LAMA2: variants seen among roughly 807,000 people sequenced by gnomAD.
LAMA2 encodes laminin subunit alpha 2.
Under a neutral mutation model 364.8 loss-of-function variants are expected in LAMA2, and 269 were observed. That is an observed-to-expected ratio of 0.74 (90% CI 0.67 to 0.82). LAMA2 has a LOEUF of 0.82. LAMA2 is among the 40% of genes least tolerant of loss of function. The pLI is 0.00. For missense variants in LAMA2, 3,807 were observed against 3,873.2 expected (o/e 0.98, Z 0.45); for synonymous variants, 1,379 against 1,370.6 (o/e 1.01, Z -0.14).
At chr6:129,199,497 A>AC (rs1455170915) in intron 12 of LAMA2, among the ~76,000 whole-genome samples, 1 of 152,198 alleles carries the variant, frequency 6.6e-6, no homozygotes, top group Non-Finnish European at 1.5e-5. Flanking sequence ...TGGACAGTGC[A>AC]GTAGATAGGA....
intron 1 of LAMA2, among the ~76,000 whole-genome samples, chr6:128,913,797 A>G (rs75278307): frequency 0.015 from 2,289 of 152,272 alleles, 59 homozygotes; most frequent in African/African-American, 0.053. Flanking sequence ...GGAGAATCTA[A>G]ATTAAATGAG....
At chr6:129,444,772 C>T (rs1453735928) in intron 44 of LAMA2, among the ~76,000 whole-genome samples, 6 of 152,166 alleles carry the variant, frequency 3.9e-5, no homozygotes, top group Admixed American at 3.9e-4. Context: ...AGCCTTGAAC[C>T]TTAAGCAGTT....
intron 1 of LAMA2, among the ~76,000 whole-genome samples, chr6:128,887,164 A>G (rs978940664): frequency 5.3e-5 from 8 of 152,192 alleles, no homozygotes; most frequent in African/African-American, 1.9e-4. Flanking sequence ...TTTCCACATC[A>G]TCGTCAATTG....
At chr6:129,499,438 C>T (rs965207613) in intron 58 of LAMA2, among the ~76,000 whole-genome samples, 5 of 152,220 alleles carry the variant, frequency 3.3e-5, no homozygotes, top group African/African-American at 1.2e-4. Flanking sequence ...TTAAAATTAC[C>T]TCATTAGATC....
chr6:128,961,171 C>G (rs530257588), intron 1 of LAMA2, among the ~76,000 whole-genome samples: 1 of 151,034 alleles, frequency 6.6e-6, no homozygotes, highest in South Asian at 2.1e-4. Flanking sequence ...TAATCACACT[C>G]TACAATATGT....
intron 1 of LAMA2, among the ~76,000 whole-genome samples, chr6:129,006,561 A>G (rs1784450054): frequency 6.6e-6 from 1 of 152,124 alleles, no homozygotes; most frequent in Non-Finnish European, 1.5e-5. Flanking sequence ...CAACTCCTGC[A>G]GGTGCTGCCT....
intron 1 of LAMA2, among the ~76,000 whole-genome samples, chr6:128,973,283 AT>A (rs1782308978): frequency 6.6e-6 from 1 of 152,118 alleles, no homozygotes; most frequent in African/African-American, 2.4e-5. Flanking sequence ...TTACTGTGCA[AT>A]TTTCCTACCT....
chr6:129,367,692 A>G (rs960967633), intron 33 of LAMA2, among the ~76,000 whole-genome samples: 4 of 152,180 alleles, frequency 2.6e-5, no homozygotes, highest in Non-Finnish European at 5.9e-5. Flanking sequence ...TATTATCCCT[A>G]TTTTCCAGAA....
chr6:129,488,253 T>C (rs905672128), intron 56 of LAMA2, among the ~76,000 whole-genome samples: 4 of 152,084 alleles, frequency 2.6e-5, no homozygotes, highest in Admixed American at 6.5e-5. Flanking sequence ...GAGGTTTCAG[T>C]GAGCCGAGAT....
intron 2 of LAMA2, among the ~76,000 whole-genome samples, chr6:129,056,118 T>C (rs1788467302): frequency 6.6e-6 from 1 of 152,216 alleles, no homozygotes; most frequent in Non-Finnish European, 1.5e-5. Flanking sequence ...TGTATGTGTG[T>C]GTTTTTCTAT....
rs201172088 is a variant in LAMA2, at chr6:129,401,239, G to A, written c.5461G>A (p.Val1821Ile). ...TGGTCTACAGAAAAAGAAGGAGGCTGTTGAAAGCGGCAAACGACAAATTGA... is the reference window on the plus strand; with the variant it reads ...TGGTCTACAGAAAAAGAAGGAGGCTATTGAAAGCGGCAAACGACAAATTGA... ...MTALEKKKEAVESGKRQIENT... is the reference protein window; with the variant it reads ...MTALEKKKEAIESGKRQIENT... Residue 1821 changes from valine to isoleucine, a missense_variant, in exon 38 of 65, where the codon GTT (valine) becomes ATT (isoleucine). Transcript: ENST00000421865. The A allele has an allele frequency of 3.1e-6, 5 of 1,601,580 alleles. No individual in the cohort carries two copies. The East Asian group carries it at 1.1e-4, about 36-fold the overall frequency.
In LAMA2 at chr6:129,319,372, TG is replaced by T. The variant is rs546378131; in HGVS notation, c.4059-1160del. On this transcript the variant is annotated intron_variant, in intron 27 of 64. Coordinates refer to ENST00000421865, the MANE Select transcript of LAMA2 (RefSeq NM_000426.4). ...CTGAAGCCACTCACATTTTAAAAAG[TG>T]GGGGGAATATCTTTATAATAACTTT... is the stretch of plus-strand genomic sequence containing the variant. Among the ~76,000 whole-genome samples the T allele has an allele frequency of 3.2e-3, 490 of 152,214 alleles. 2 individuals carry two copies. Among genetic ancestry groups the T allele is most frequent in the African/African-American group, 0.011 (446 of 41,550 alleles).
chr6:129,322,603 A>G (rs1189384651), intron 28 of LAMA2, among the ~76,000 whole-genome samples: 1 of 152,192 alleles, frequency 6.6e-6, no homozygotes, highest in Non-Finnish European at 1.5e-5. Context: ...AAATTCTCTG[A>G]TTCTGCAATA....
At chr6:129,187,899 A>G (rs1376581102) in intron 10 of LAMA2, among the ~76,000 whole-genome samples, 2 of 151,842 alleles carry the variant, frequency 1.3e-5, no homozygotes, top group African/African-American at 2.4e-5. Flanking sequence ...AAAAATAAAT[A>G]ATGAATAAAC....
chr6:129,212,474 A>G (rs1478806), intron 12 of LAMA2, among the ~76,000 whole-genome samples: 16,736 of 152,130 alleles, frequency 0.11, 1,121 homozygotes, highest in East Asian at 0.32. Flanking sequence ...TTGAGAGTCC[A>G]TGGAATGGAA....
At chr6:129,048,632 C>G (rs1787771583) in intron 1 of LAMA2, among the ~76,000 whole-genome samples, 1 of 136,892 alleles carries the variant, frequency 7.3e-6, no homozygotes, top group Non-Finnish European at 1.5e-5. Context: ...CTCTCTCTTT[C>G]TTGACAGAGT....
intron 18 of LAMA2, among the ~76,000 whole-genome samples, chr6:129,282,955 A>T (rs1189904690): frequency 6.6e-6 from 1 of 152,066 alleles, no homozygotes; most frequent in African/African-American, 2.4e-5. Flanking sequence ...TTGCTTCTTG[A>T]ATCGAGGGGG....
intron 14 of LAMA2, among the ~76,000 whole-genome samples, chr6:129,258,714 C>T (rs761554403): frequency 7.2e-5 from 11 of 151,990 alleles, no homozygotes; most frequent in Non-Finnish European, 1.5e-4. Context: ...CTATGTACAA[C>T]TTGAAATGCT....
At chr6:129,410,319 G>T (rs1318710658) in intron 40 of LAMA2, among the ~76,000 whole-genome samples, 1 of 118,458 alleles carries the variant, frequency 8.4e-6, no homozygotes, top group African/African-American at 3.6e-5. Context: ...CTCTAGGTAT[G>T]CTGAATTAAA....
Sources: allele counts gnomAD v4.1 joint callset (sites outside exome capture counted in the v4.1 genomes callset), GRCh38; gene constraint gnomAD v4.1.1; transcripts MANE v1.5; gene names NCBI Gene and HGNC (gene_info 2026-07-23, HGNC 2026-07-21).